The following XIRP2 variants were observed in gnomAD, a reference collection of about 807,000 sequenced individuals.
XIRP2 encodes the protein xin actin-binding repeat-containing protein 2.
Under a neutral mutation model 277.0 loss-of-function variants are expected in XIRP2, and 236 were observed. The ratio of observed to expected loss-of-function variants is 0.85; its 90% CI spans 0.77 to 0.95. XIRP2 has a LOEUF of 0.95. Among genes scored for constraint, XIRP2 ranks in the 40% least tolerant of loss-of-function variants. XIRP2 has a pLI of 0.00. For synonymous variants in XIRP2, 1,490 were observed against 1,416.5 expected, an observed-to-expected ratio of 1.05 and a Z score of -1.17; for missense variants, 4,640 against 4,157.5, an observed-to-expected ratio of 1.12 and a Z score of -3.19.
chr2:167,113,659 CAT>C lies in XIRP2; in HGVS notation c.409-22249_409-22248del, dbSNP rs145296430. Among the ~76,000 whole-genome samples the C allele has an allele frequency of 1.4e-3, 206 of 152,230 alleles. 7 individuals are homozygous for C. In the East Asian group the frequency reaches 0.034, roughly 25 times the overall value. ...TGTTTTCATTTAAGGTTAGTATTGA[CAT>C]GTGTGATTTGATCCTGTCATGTTGT... On this transcript the variant is annotated intron_variant, in intron 2 of 10. Transcript: ENST00000409195.
intron 2 of XIRP2, among the ~76,000 whole-genome samples, chr2:167,012,795 T>A (rs1574162067): frequency 6.6e-6 from 1 of 151,716 alleles, no homozygotes. Flanking sequence ...TTCCTATGTT[T>A]TGAAATCTAA....
At chr2:167,203,938 C>T (rs1037203563) in intron 3 of XIRP2, among the ~76,000 whole-genome samples, 3 of 152,120 alleles carry the variant, frequency 2.0e-5, no homozygotes, top group African/African-American at 7.2e-5. Context: ...GTTTATCATT[C>T]TCCCAATGTA....
intron 2 of XIRP2, among the ~76,000 whole-genome samples, chr2:166,953,145 T>A (rs1009375229): frequency 1.3e-5 from 2 of 151,976 alleles, no homozygotes; most frequent in Non-Finnish European, 2.9e-5. Flanking sequence ...ATATGTTGCA[T>A]GCTCTCCAAA....
intron 2 of XIRP2, among the ~76,000 whole-genome samples, chr2:167,113,994 C>T (rs564898791): frequency 6.6e-5 from 10 of 152,054 alleles, no homozygotes; most frequent in African/African-American, 1.4e-4. Context: ...GTAAGGTTTC[C>T]GCTTTTAGCC....
At chr2:167,222,899 G>A (rs1162616020) in intron 5 of XIRP2, among the ~76,000 whole-genome samples, 1 of 151,716 alleles carries the variant, frequency 6.6e-6, no homozygotes, top group Non-Finnish European at 1.5e-5. Context: ...GCTGTGTTAA[G>A]ATATAATTTG....
Position 167,239,982 on chromosome 2 carries a change from G to A in XIRP2, c.969+17G>A, listed in dbSNP as rs556676417. ...ACAGAAATGGTAACTATTTAGAAAG[G>A]CAGTACTTTCAAACAGTTTCCAGGA... On this transcript the variant is annotated intron_variant, in intron 6 of 10. Coordinates refer to ENST00000409195, the MANE Select transcript of XIRP2 (RefSeq NM_152381.6). 6.4e-7 allele frequency: 1 copy of A among 1,574,412 alleles called. No homozygotes were observed. Among genetic ancestry groups the A allele is most frequent in the East Asian group, 2.3e-5 (1 of 43,998 alleles).
At chr2:167,169,034 C>A (rs1010709901) in intron 3 of XIRP2, among the ~76,000 whole-genome samples, 1 of 151,992 alleles carries the variant, frequency 6.6e-6, no homozygotes, top group Admixed American at 6.6e-5. Flanking sequence ...ATATTGTTTG[C>A]GTTTTATTCA....
At chr2:167,093,775 A>G (rs909240588) in intron 2 of XIRP2, among the ~76,000 whole-genome samples, 1 of 152,136 alleles carries the variant, frequency 6.6e-6, no homozygotes, top group Non-Finnish European at 1.5e-5. Context: ...CGCAATAAAC[A>G]TATGTGTGCA....
At chr2:167,052,208 CT>C (rs1688932189) in intron 2 of XIRP2, among the ~76,000 whole-genome samples, 1 of 151,856 alleles carries the variant, frequency 6.6e-6, no homozygotes, top group African/African-American at 2.4e-5. Context: ...TGTTCTTATT[CT>C]TTTTTTACAT....
At chr2:167,043,383 C>T (rs1054481273) in intron 2 of XIRP2, among the ~76,000 whole-genome samples, 3 of 151,738 alleles carry the variant, frequency 2.0e-5, no homozygotes, top group Admixed American at 6.6e-5. Flanking sequence ...CACATTCATA[C>T]AAAAGATCAA....
chr2:166,943,494 A>G (rs756393918), intron 2 of XIRP2, among the ~76,000 whole-genome samples: 3 of 152,222 alleles, frequency 2.0e-5, no homozygotes, highest in Non-Finnish European at 2.9e-5. Context: ...GGTTTTGTTC[A>G]TCATATCACC....
chr2:167,130,644 G>C (rs970567181), intron 2 of XIRP2, among the ~76,000 whole-genome samples: 2 of 151,810 alleles, frequency 1.3e-5, no homozygotes, highest in Non-Finnish European at 2.9e-5. Flanking sequence ...CTGTCTTCCA[G>C]TTTACCCTTT....
chr2:167,121,488 G>T (rs1464208116), intron 2 of XIRP2, among the ~76,000 whole-genome samples: 1 of 152,128 alleles, frequency 6.6e-6, no homozygotes, highest in Admixed American at 6.5e-5. Context: ...TTTAAAATAT[G>T]TTAAAGCAGA....
chr2:167,132,645 T>C (rs576368768), intron 2 of XIRP2, among the ~76,000 whole-genome samples: 1 of 152,278 alleles, frequency 6.6e-6, no homozygotes, highest in Non-Finnish European at 1.5e-5. Context: ...CTGCAGGCCA[T>C]CCAGCACCAC....
intron 2 of XIRP2, among the ~76,000 whole-genome samples, chr2:166,932,011 T>C (rs1302334325): frequency 6.6e-6 from 1 of 152,222 alleles, no homozygotes; most frequent in East Asian, 1.9e-4. Context: ...TAGTAACTAA[T>C]GATGTTAACC....
intron 2 of XIRP2, among the ~76,000 whole-genome samples, chr2:166,913,313 C>CG (rs1553469493): frequency 7.8e-6 from 1 of 128,708 alleles, no homozygotes; most frequent in Admixed American, 8.8e-5. Flanking sequence ...GGTGGGCACC[C>CG]CCCCCCCCCA....
At position 167,068,266 on chromosome 2, in the gene XIRP2, C is replaced by T. The variant is rs368607625; in HGVS notation, c.409-67643C>T. Among the ~76,000 whole-genome samples the T allele has an allele frequency of 2.6e-5, 4 of 152,210 alleles. No homozygotes were observed. In the East Asian group the frequency reaches 7.7e-4, roughly 29 times the overall value. Reference sequence around the variant, plus strand: ...GAAAACAAACAAAAAAACAAACAAACACACACAACTCTATTTTTCCTTCTA... The same window carrying T: ...GAAAACAAACAAAAAAACAAACAAATACACACAACTCTATTTTTCCTTCTA... On this transcript the variant is annotated intron_variant, in intron 2 of 10. Transcript: ENST00000409195.
chr2:167,015,690 T>C lies in XIRP2; in HGVS notation c.408+111800T>C, dbSNP rs1380638687. 4.6e-5 allele frequency among the ~76,000 whole-genome samples: 7 copies of C among 151,770 alleles called. No homozygotes were observed. In the East Asian group the frequency reaches 9.7e-4, roughly 21 times the overall value. ...GCTATGTAAATATATCAACAAGAAA[T>C]GGAGAGCCAGAAAGAGAAACTTTGA... On this transcript the variant is annotated intron_variant, in intron 2 of 10. Transcript: ENST00000409195.
chr2:167,251,626 A>G lies in XIRP2; in HGVS notation c.10234A>G (p.Thr3412Ala). 1 of 1,613,414 alleles carries G rather than the reference A, an allele frequency of 6.2e-7. No homozygotes were observed. Among genetic ancestry groups the G allele is most frequent in the Middle Eastern group, 1.7e-4 (1 of 6,052 alleles). ...PVKQPRICSE[T>A]RSLSEHFSGM... ...TAAGCAGCCCAGGATCTGCTCTGAA[A>G]CCAGGTCTCTAAGTGAACATTTCTC... The change falls in exon 9 of 11, where the codon ACC (threonine) becomes GCC (alanine). Residue 3412 changes from threonine to alanine, a missense_variant. Thr to Ala is a moderately conservative substitution (Grantham distance 58). Coordinates refer to ENST00000409195, the MANE Select transcript of XIRP2 (RefSeq NM_152381.6).
Sources: allele counts gnomAD v4.1 joint callset (sites outside exome capture counted in the v4.1 genomes callset), GRCh38; gene constraint gnomAD v4.1.1; transcripts MANE v1.5; gene names NCBI Gene and HGNC (gene_info 2026-07-23, HGNC 2026-07-21).